Variants in CLASP1 observed in about 807,000 individuals in gnomAD.
The protein encoded by CLASP1 is CLIP-associating protein 1.
Under a neutral mutation model 192.3 loss-of-function variants are expected in CLASP1, and 38 were observed. That is an observed-to-expected ratio of 0.20 (90% confidence interval 0.15 to 0.26). The LOEUF is 0.26. CLASP1 is among the 10% of genes least tolerant of loss of function. CLASP1 has a pLI of 1.00. For synonymous variants in CLASP1, 691 were observed against 712.8 expected, an observed-to-expected ratio of 0.97 and a Z score of 0.49; for missense variants, 1,433 against 1,932.5, an observed-to-expected ratio of 0.74 and a Z score of 4.85.
At chr2:121,398,393 A>C in exon 29 of CLASP1, 3 of 1,586,144 alleles carry the variant, frequency 1.9e-6, no homozygotes, top group Non-Finnish European at 2.6e-6. Context: ...TCAAATGGAA[A>C]GGAGTCCCTA....
intron 7 of CLASP1, chr2:121,505,400 A>C (rs1022587930): frequency 6.6e-6 from 1 of 152,222 alleles, no homozygotes; most frequent in African/African-American, 2.4e-5. Flanking sequence ...ACCTTAATTC[A>C]GAATTCCCTC....
At chr2:121,577,901 C>T (rs911771518) in intron 2 of CLASP1, among the ~76,000 whole-genome samples, 1 of 152,040 alleles carries the variant, frequency 6.6e-6, no homozygotes, top group African/African-American at 2.4e-5. Context: ...ACAGACGACC[C>T]TATCTCTACA....
At chr2:121,392,666 C>G (rs1475967010) in intron 30 of CLASP1, among the ~76,000 whole-genome samples, 1 of 152,182 alleles carries the variant, frequency 6.6e-6, no homozygotes, top group African/African-American at 2.4e-5. Context: ...GTGGCAGAGG[C>G]AGATGTCAAA....
intron 9 of CLASP1, among the ~76,000 whole-genome samples, chr2:121,467,777 T>A (rs898916428): frequency 1.3e-5 from 2 of 152,240 alleles, no homozygotes; most frequent in African/African-American, 4.8e-5. Context: ...TTTATTTTGC[T>A]GTGCAGAAGC....
intron 2 of CLASP1, among the ~76,000 whole-genome samples, chr2:121,537,369 G>A (rs1439828290): frequency 6.6e-6 from 1 of 151,876 alleles, no homozygotes; most frequent in African/African-American, 2.4e-5. Flanking sequence ...TCCAGCCTGG[G>A]TGACAGATCA....
intron 8 of CLASP1, among the ~76,000 whole-genome samples, chr2:121,488,483 G>T (rs2093119163): frequency 6.6e-6 from 1 of 152,226 alleles, no homozygotes; most frequent in Admixed American, 6.5e-5. Context: ...CTCATACCCA[G>T]TCTGAGGGAT....
At chr2:121,604,581 T>G (rs192757430) in intron 2 of CLASP1, among the ~76,000 whole-genome samples, 1 of 152,118 alleles carries the variant, frequency 6.6e-6, no homozygotes, top group Non-Finnish European at 1.5e-5. Context: ...GGTGGGAGGA[T>G]TGCTTGAGCC....
rs997430599 is a variant in CLASP1 at position 121,515,869 on chromosome 2, G to T, written c.547-107C>A. ...ACCCCAATTTATCACCATTTTACCAGTGCAACTGTGAATACAATCCTTATA... is the reference window on the plus strand; with the variant it reads ...ACCCCAATTTATCACCATTTTACCATTGCAACTGTGAATACAATCCTTATA... On this transcript the variant is annotated intron_variant, in intron 6 of 39. Coordinates refer to ENST00000263710, the Ensembl canonical transcript of CLASP1. 15 of 801,338 alleles carry T rather than the reference G, an allele frequency of 1.9e-5. No homozygotes were observed. In the African/African-American group the frequency reaches 2.0e-4, roughly 11 times the overall value. 49.6% of individuals were successfully genotyped at this position (801,338 alleles called of 1,614,324 possible). A position where few individuals can be genotyped will look rare whatever the true frequency, so the allele number is the denominator to read the frequency against.
chr2:121,431,679 T>C (rs909802994), intron 19 of CLASP1, among the ~76,000 whole-genome samples: 14 of 151,842 alleles, frequency 9.2e-5, no homozygotes, highest in Middle Eastern at 3.4e-3. Context: ...TTGCTAAACC[T>C]CTCGTATTCT....
At chr2:121,590,066 T>C (rs980845788) in intron 2 of CLASP1, among the ~76,000 whole-genome samples, 1 of 152,150 alleles carries the variant, frequency 6.6e-6, no homozygotes, top group African/African-American at 2.4e-5. Context: ...CCTCTTAAAA[T>C]GTGCTCTTAT....
intron 2 of CLASP1, among the ~76,000 whole-genome samples, chr2:121,554,557 G>A (rs2058361994): frequency 6.6e-6 from 1 of 152,072 alleles, no homozygotes; most frequent in Non-Finnish European, 1.5e-5. Context: ...GTGGGCCCAG[G>A]AGTTCGTGGC....
intron 2 of CLASP1, among the ~76,000 whole-genome samples, chr2:121,552,671 T>C (rs2058148129): frequency 6.6e-6 from 1 of 152,136 alleles, no homozygotes; most frequent in South Asian, 2.1e-4. Context: ...AGAATGGCTA[T>C]TAAAAAGTCA....
At chr2:121,571,736 T>C (rs112556059) in intron 2 of CLASP1, among the ~76,000 whole-genome samples, 1,674 of 152,192 alleles carry the variant, frequency 0.011, 33 homozygotes, top group African/African-American at 0.038. Flanking sequence ...GGAAAGAGAA[T>C]GGGGTGGCAG....
At chr2:121,427,359 C>A in intron 21 of CLASP1, 45 bp downstream of exon 21, 1 of 1,562,886 alleles carries the variant, frequency 6.4e-7, no homozygotes, top group Non-Finnish European at 8.7e-7. Context: ...GGGAGAATGC[C>A]AACAACAACA....
intron 2 of CLASP1, among the ~76,000 whole-genome samples, chr2:121,562,572 T>TTCA (rs2059182314): frequency 6.6e-6 from 1 of 152,238 alleles, no homozygotes; most frequent in Non-Finnish European, 1.5e-5. Flanking sequence ...AGTAGAATAC[T>TTCA]GAACAGCTCT....
intron 1 of CLASP1, among the ~76,000 whole-genome samples, chr2:121,613,728 T>C (rs1290391948): frequency 6.6e-6 from 1 of 152,070 alleles, no homozygotes; most frequent in Non-Finnish European, 1.5e-5. Flanking sequence ...CAATGGGGGA[T>C]GGAAAGAAGA....
intron 6 of CLASP1, among the ~76,000 whole-genome samples, chr2:121,524,255 C>T (rs541503102): frequency 1.3e-5 from 2 of 152,192 alleles, no homozygotes; most frequent in East Asian, 1.9e-4. Flanking sequence ...CCCCAGAGTG[C>T]GGCCTCTATA....
chr2:121,441,002 T>C (rs914523545), intron 19 of CLASP1, among the ~76,000 whole-genome samples: 1 of 152,216 alleles, frequency 6.6e-6, no homozygotes, highest in Non-Finnish European at 1.5e-5. Flanking sequence ...ATTCATCTCA[T>C]GACTTTTTAA....
chr2:121,400,097 G>A (rs2075929596), intron 28 of CLASP1, among the ~76,000 whole-genome samples: 1 of 152,100 alleles, frequency 6.6e-6, no homozygotes, highest in South Asian at 2.1e-4. Flanking sequence ...TAATCCACTG[G>A]TATAATGGTG....
Sources: allele counts gnomAD v4.1 joint callset (sites outside exome capture counted in the v4.1 genomes callset), GRCh38; gene constraint gnomAD v4.1.1; transcripts MANE v1.5; gene names NCBI Gene and HGNC (gene_info 2026-07-23, HGNC 2026-07-21).